PTPRM: variants seen among roughly 807,000 people sequenced by gnomAD.
The protein encoded by PTPRM is receptor-type tyrosine-protein phosphatase mu.
PTPRM carries 47 observed loss-of-function variants against 186.7 expected under a neutral mutation model. The ratio of observed to expected loss-of-function variants is 0.25; its 90% CI spans 0.20 to 0.32. The LOEUF is 0.32. PTPRM is among the 10% of genes least tolerant of loss of function. The pLI is 1.00. For missense variants in PTPRM, 1,494 were observed against 1,865.0 expected, an observed-to-expected ratio of 0.80 and a Z score of 3.66; for synonymous variants, 668 against 674.9, an observed-to-expected ratio of 0.99 and a Z score of 0.16.
intron 1 of PTPRM, among the ~76,000 whole-genome samples, chr18:7,725,637 G>A (rs7237480): frequency 0.032 from 4,760 of 150,792 alleles, 295 homozygotes; most frequent in African/African-American, 0.11. Flanking sequence ...GTTGGATGTC[G>A]GAAAGAAGCA....
intron 7 of PTPRM, among the ~76,000 whole-genome samples, chr18:7,986,642 C>A (rs1362593491): frequency 6.6e-6 from 1 of 152,136 alleles, no homozygotes; most frequent in Non-Finnish European, 1.5e-5. Flanking sequence ...AAGTGCAGGG[C>A]AAAATTGTGA....
chr18:8,001,278 C>T (rs976057387), intron 7 of PTPRM, among the ~76,000 whole-genome samples: 3 of 152,182 alleles, frequency 2.0e-5, no homozygotes, highest in Non-Finnish European at 4.4e-5. Context: ...ATAGACTCCT[C>T]GTAAACTCCA....
chr18:8,231,911 A>G (rs1029498722), intron 14 of PTPRM, among the ~76,000 whole-genome samples: 19 of 152,176 alleles, frequency 1.2e-4, no homozygotes, highest in African/African-American at 3.9e-4. Flanking sequence ...GTGAGGCTCT[A>G]TTGCCACATC....
chr18:8,037,030 C>G (rs1482120804), intron 7 of PTPRM, among the ~76,000 whole-genome samples: 1 of 152,124 alleles, frequency 6.6e-6, no homozygotes. Flanking sequence ...AGAAATCATT[C>G]CCTAAGCAAA....
chr18:7,928,683 A>T (rs540910456), intron 5 of PTPRM, among the ~76,000 whole-genome samples: 1 of 152,288 alleles, frequency 6.6e-6, no homozygotes, highest in South Asian at 2.1e-4. Context: ...TACTATATTA[A>T]GTCTAGAGAA....
Position 8,112,260 on chromosome 18 carries a change from A to G in PTPRM, c.1857-1226A>G, listed in dbSNP as rs370320272. Among the ~76,000 whole-genome samples the G allele has an allele frequency of 1.4e-4, 22 of 152,386 alleles. No individual in the cohort carries two copies. In the East Asian group the frequency reaches 3.5e-3, roughly 24 times the overall value. On this transcript the variant is annotated intron_variant, in intron 11 of 32. Coordinates refer to ENST00000580170, the MANE Select transcript of PTPRM (RefSeq NM_001105244.2). ...TAGACAGAATTACCAACGAAATGGC[A>G]GCACACATTTTGTTTCTGTAATAGA...
At chr18:8,222,098 C>T (rs144264383) in intron 14 of PTPRM, among the ~76,000 whole-genome samples, 29 of 152,276 alleles carry the variant, frequency 1.9e-4, no homozygotes, top group Non-Finnish European at 3.7e-4. Context: ...AGTTAAACTC[C>T]ATTACATTTA....
intron 5 of PTPRM, among the ~76,000 whole-genome samples, chr18:7,926,890 T>TA (rs1001797397): frequency 1.3e-5 from 2 of 152,210 alleles, no homozygotes; most frequent in Non-Finnish European, 2.9e-5. Context: ...TTCCTTTGCT[T>TA]ATGCTTAGTC....
At chr18:7,701,228 C>G (rs898113021) in intron 1 of PTPRM, among the ~76,000 whole-genome samples, 3 of 141,884 alleles carry the variant, frequency 2.1e-5, no homozygotes, top group Non-Finnish European at 4.6e-5. Context: ...TGCTTGAATT[C>G]AGAAGGTGGA....
At chr18:7,923,623 T>C (rs2050998485) in intron 4 of PTPRM, among the ~76,000 whole-genome samples, 1 of 152,082 alleles carries the variant, frequency 6.6e-6, no homozygotes, top group African/African-American at 2.4e-5. Flanking sequence ...AACAAAAGAT[T>C]GGGGAGTGGT....
At chr18:8,349,499 T>C (rs2095522849) in intron 23 of PTPRM, among the ~76,000 whole-genome samples, 1 of 152,346 alleles carries the variant, frequency 6.6e-6, no homozygotes, top group Middle Eastern at 3.4e-3. Flanking sequence ...TTTATGCTCA[T>C]TCAGCAAACA....
chr18:8,331,342 T>G (rs1313128263), intron 22 of PTPRM, among the ~76,000 whole-genome samples: 2 of 152,226 alleles, frequency 1.3e-5, no homozygotes, highest in African/African-American at 4.8e-5. Flanking sequence ...TCTCTTTGCT[T>G]TATGCAACAT....
Position 8,303,003 on chromosome 18 carries a change from G to C in PTPRM, c.2842+6548G>C, listed in dbSNP as rs2000642. On this transcript the variant is annotated intron_variant, in intron 20 of 32. Coordinates refer to ENST00000580170, the MANE Select transcript of PTPRM (RefSeq NM_001105244.2). ...ATCTGAAAGAGAGGGATCTGGGCTG[G>C]ATTATAAATCAGTGACCCATTTCAT... Among the ~76,000 whole-genome samples, 438 of 152,234 alleles carry C rather than the reference G, an allele frequency of 2.9e-3. 1 individual carries two copies. Among genetic ancestry groups the C allele is most frequent in the African/African-American group, 0.01 (421 of 41,544 alleles).
rs577415176 is a variant in PTPRM, at chr18:8,189,209, A to C, written c.2300+45430A>C. Among the ~76,000 whole-genome samples the C allele has an allele frequency of 2.0e-5, 3 of 150,760 alleles. No individual in the cohort carries two copies. The East Asian group carries it at 5.9e-4, about 30-fold the overall frequency. On this transcript the variant is annotated intron_variant, in intron 14 of 32. Transcript: ENST00000580170. Reference sequence around the variant, plus strand: ...CTACTCAGGAGGCTGAGGCAGGATCACTTAAGTCTGAGGCTGAGGCTTCAG... The same window carrying C: ...CTACTCAGGAGGCTGAGGCAGGATCCCTTAAGTCTGAGGCTGAGGCTTCAG...
chr18:8,405,604 A>G (rs1568923723), intron 32 of PTPRM, among the ~76,000 whole-genome samples: 6 of 152,236 alleles, frequency 3.9e-5, no homozygotes. Context: ...ATCAGGGACC[A>G]GGTCAAGGGG....
At chr18:7,663,066 A>T (rs16952302) in intron 1 of PTPRM, among the ~76,000 whole-genome samples, 3,501 of 152,198 alleles carry the variant, frequency 0.023, 140 homozygotes, top group African/African-American at 0.08. Context: ...CACATTGGTC[A>T]TGGGCCAGGA....
At chr18:7,938,176 C>T (rs34049036) in intron 5 of PTPRM, among the ~76,000 whole-genome samples, 21,342 of 152,206 alleles carry the variant, frequency 0.14, 1,775 homozygotes, top group Non-Finnish European at 0.19. Context: ...TGCACACATA[C>T]ACACATTTAA....
At position 8,120,574 on chromosome 18, in the gene PTPRM, C is replaced by T. The variant is rs577530756; in HGVS notation, c.2167+5747C>T. Among the ~76,000 whole-genome samples, 13 of 150,670 alleles carry T rather than the reference C, an allele frequency of 8.6e-5. No individual in the cohort carries two copies. In the South Asian group the frequency reaches 2.7e-3, roughly 32 times the overall value. ...GTGGCGCGATCTCTGCTCACTATTG[C>T]AACCTCTGCCTCCTGTGTTCAAGCA... is the stretch of plus-strand genomic sequence containing the variant. On this transcript the variant is annotated intron_variant, in intron 13 of 32. Coordinates refer to ENST00000580170, the MANE Select transcript of PTPRM (RefSeq NM_001105244.2).
chr18:7,663,131 T>C (rs2039016054), intron 1 of PTPRM, among the ~76,000 whole-genome samples: 1 of 152,196 alleles, frequency 6.6e-6, no homozygotes, highest in South Asian at 2.1e-4. Flanking sequence ...AAGTCCTGCT[T>C]GCACAGTCCT....
Sources: gnomAD v4.1 joint callset for allele counts (sites outside exome capture counted in the v4.1 genomes callset) on GRCh38, gnomAD v4.1.1 for gene constraint, MANE v1.5 for transcripts, NCBI Gene and HGNC (gene_info 2026-07-23, HGNC 2026-07-21) for gene names.